PRELID2: variants seen among roughly 807,000 people sequenced by gnomAD.
The protein encoded by PRELID2 is PRELI domain-containing protein 2.
A neutral mutation model predicts 28.4 loss-of-function variants in PRELID2; 25 were observed. That is an observed-to-expected ratio of 0.88 (90% confidence interval 0.64 to 1.23). The LOEUF is 1.23. Among genes scored for constraint, PRELID2 ranks in the 50% most tolerant of loss-of-function variants. The pLI, the probability that PRELID2 is intolerant of heterozygous loss-of-function variation, is 0.00. For missense variants in PRELID2, 201 were observed against 214.4 expected (o/e 0.94, Z 0.39); for synonymous variants, 76 against 71.6 (o/e 1.06, Z -0.31).
At chr5:145,355,591 A>G in the PRELID2 span, among the ~76,000 whole-genome samples, 2 of 152,246 alleles carry the variant, frequency 1.3e-5, no homozygotes, top group African/African-American at 4.8e-5. Context: ...ACCCATACCT[A>G]TGTTTACCTA....
At chr5:145,783,475 A>C (rs1333191978) in intron 5 of PRELID2, among the ~76,000 whole-genome samples, 1 of 152,256 alleles carries the variant, frequency 6.6e-6, no homozygotes, top group African/African-American at 2.4e-5. Context: ...GTAAGAATAC[A>C]GCAGCTACTA....
At chr5:145,410,129 T>C in the PRELID2 span, among the ~76,000 whole-genome samples, 1 of 152,206 alleles carries the variant, frequency 6.6e-6, no homozygotes, top group African/African-American at 2.4e-5. Context: ...TGAAACTGGA[T>C]TCTCATCTCT....
chr5:145,512,841 A>G (rs1752473182), intron 1 of PRELID2, among the ~76,000 whole-genome samples: 1 of 152,158 alleles, frequency 6.6e-6, no homozygotes, highest in Admixed American at 6.5e-5. Flanking sequence ...ACCCAGGCAA[A>G]CAGGGTGTGG....
At chr5:145,337,679 T>C in the PRELID2 span, among the ~76,000 whole-genome samples, 1 of 122,848 alleles carries the variant, frequency 8.1e-6, no homozygotes. Flanking sequence ...AATAGATGCA[T>C]AGGGCAAATA....
At position 145,625,485 on chromosome 5, in the gene PRELID2, TA is replaced by T. The variant is rs559395713; in HGVS notation, n.70+139445del. 2.6e-3 allele frequency among the ~76,000 whole-genome samples: 394 copies of T among 152,320 alleles called. 3 individuals are homozygous for T. The highest frequency in any genetic ancestry group is 8.2e-3 in the African/African-American group (341 of 41,586). ...ACAGTAGACCACAGACAGTATATGC[TA>T]ACATTTTTATAAAACTTATTTATTC... On this transcript the variant is annotated intron_variant and non_coding_transcript_variant, in intron 1 of 2. Coordinates refer to the PRELID2 transcript ENST00000510259.
At chr5:145,240,068 A>G in the PRELID2 span, among the ~76,000 whole-genome samples, 2 of 151,978 alleles carry the variant, frequency 1.3e-5, no homozygotes, top group African/African-American at 2.4e-5. Flanking sequence ...TTTCTTGTTG[A>G]TAATAGGATG....
intron 1 of PRELID2, among the ~76,000 whole-genome samples, chr5:145,632,212 C>T (rs1006663515): frequency 6.6e-6 from 1 of 152,132 alleles, no homozygotes; most frequent in Non-Finnish European, 1.5e-5. Flanking sequence ...GTCTATGTTT[C>T]TCTCTTTCTT....
At chr5:145,742,186 A>G (rs1756839646) in intron 1 of PRELID2, among the ~76,000 whole-genome samples, 3 of 47,378 alleles carry the variant, frequency 6.3e-5, no homozygotes, top group Non-Finnish European at 9.0e-5. Context: ...ATAAATTTAT[A>G]TATAAATAAT....
chr5:145,431,595 C>G, the PRELID2 span, among the ~76,000 whole-genome samples: 2 of 152,176 alleles, frequency 1.3e-5, no homozygotes, highest in African/African-American at 4.8e-5. Context: ...AAGAAAGACA[C>G]AGCATCAGCT....
At chr5:145,424,047 C>T in the PRELID2 span, among the ~76,000 whole-genome samples, 3 of 149,066 alleles carry the variant, frequency 2.0e-5, no homozygotes, top group South Asian at 2.1e-4. Context: ...TTAGGCTGCT[C>T]GGGGGTCAGG....
At chr5:145,574,764 A>C (rs1433480835) in intron 1 of PRELID2, among the ~76,000 whole-genome samples, 1 of 152,200 alleles carries the variant, frequency 6.6e-6, no homozygotes. Context: ...ATGCTGTCAC[A>C]TTCGCATATA....
chr5:145,658,144 C>T (rs966081541), intron 1 of PRELID2, among the ~76,000 whole-genome samples: 2 of 152,104 alleles, frequency 1.3e-5, no homozygotes, highest in African/African-American at 4.8e-5. Flanking sequence ...AAGCCAATGG[C>T]CATGCTCTAA....
chr5:145,439,044 T>A, the PRELID2 span, among the ~76,000 whole-genome samples: 5 of 152,130 alleles, frequency 3.3e-5, no homozygotes, highest in African/African-American at 1.2e-4. Context: ...CCAGCAATGT[T>A]GCAGTTGCTC....
At chr5:145,294,511 C>G in the PRELID2 span, among the ~76,000 whole-genome samples, 1 of 152,146 alleles carries the variant, frequency 6.6e-6, no homozygotes, top group African/African-American at 2.4e-5. Flanking sequence ...CCATTGCTAA[C>G]CCTGTATGAC....
the PRELID2 span, among the ~76,000 whole-genome samples, chr5:145,422,517 T>C: frequency 6.6e-6 from 1 of 152,214 alleles, no homozygotes; most frequent in East Asian, 1.9e-4. Context: ...TGATCTTTGT[T>C]GGTTTAAAGT....
At chr5:145,799,345 C>G (rs969159658) in intron 4 of PRELID2, among the ~76,000 whole-genome samples, 1 of 152,068 alleles carries the variant, frequency 6.6e-6, no homozygotes, top group Admixed American at 6.6e-5. Flanking sequence ...CTCATCACCA[C>G]TACAGATTTG....
At chr5:145,554,769 C>T (rs1272916566) in intron 1 of PRELID2, among the ~76,000 whole-genome samples, 2 of 152,246 alleles carry the variant, frequency 1.3e-5, no homozygotes, top group Non-Finnish European at 2.9e-5. Context: ...TCCTCTATTC[C>T]CCTTGTAAGA....
chr5:145,443,251 T>C, the PRELID2 span, among the ~76,000 whole-genome samples: 1 of 152,216 alleles, frequency 6.6e-6, no homozygotes, highest in Non-Finnish European at 1.5e-5. Flanking sequence ...TCATCTTTTA[T>C]TCCATAGCAA....
chr5:145,764,674 C>T (rs564025477), intron 6 of PRELID2, among the ~76,000 whole-genome samples: 2 of 152,238 alleles, frequency 1.3e-5, no homozygotes, highest in Admixed American at 6.5e-5. Context: ...GGCTCTCAAT[C>T]ATGGTAGATT....
Sources: allele counts gnomAD v4.1 joint callset (sites outside exome capture counted in the v4.1 genomes callset), GRCh38; gene constraint gnomAD v4.1.1; transcripts MANE v1.5; gene names NCBI Gene and HGNC (gene_info 2026-07-23, HGNC 2026-07-21).